Variants in SH3YL1 observed in about 807,000 individuals in gnomAD.
SH3YL1 encodes SH3 and SYLF domain containing 1.
In SH3YL1, 41 loss-of-function variants were observed where a neutral mutation model predicts 45.8. The observed-to-expected ratio is 0.89, with a 90% confidence interval of 0.70 to 1.16. The LOEUF is 1.16. Ranked by LOEUF, SH3YL1 falls within the 50% of genes most tolerant of loss-of-function variation. The pLI, the probability that SH3YL1 is intolerant of heterozygous loss-of-function variation, is 0.00. For missense variants in SH3YL1, 389 were observed against 409.6 expected (o/e 0.95, Z 0.43); for synonymous variants, 152 against 151.4 (o/e 1.00, Z -0.03).
chr2:226,450 TC>T (rs1667788769), intron 8 of SH3YL1, among the ~76,000 whole-genome samples: 1 of 152,204 alleles, frequency 6.6e-6, no homozygotes, highest in Non-Finnish European at 1.5e-5. Flanking sequence ...ATGTTTACAT[TC>T]ACTAATAGGA....
intron 4 of SH3YL1, among the ~76,000 whole-genome samples, chr2:236,983 T>C (rs1668333042): frequency 6.6e-6 from 1 of 152,210 alleles, no homozygotes; most frequent in Non-Finnish European, 1.5e-5. Context: ...CATTTTATTT[T>C]ACATATAGAC....
At chr2:264,678 C>T, upstream of SH3YL1, 1 of 385,814 alleles carries the variant, frequency 2.6e-6, no homozygotes, top group Non-Finnish European at 4.7e-6. Flanking sequence ...ACCCCACCCC[C>T]GCAGCTCCTC....
chr2:262,755 G>A, intron 1 of SH3YL1: 5 of 1,168,822 alleles, frequency 4.3e-6, no homozygotes, highest in South Asian at 2.9e-5. Flanking sequence ...TTATTTCTGC[G>A]GAATGAGAAA....
intron 9 of SH3YL1, among the ~76,000 whole-genome samples, chr2:224,513 T>C (rs1230794613): frequency 1.3e-5 from 2 of 152,166 alleles, no homozygotes; most frequent in East Asian, 3.9e-4. Flanking sequence ...CCTCAGATGA[T>C]GCCATGGCTC....
intron 6 of SH3YL1, among the ~76,000 whole-genome samples, chr2:232,459 ATACTTT>A (rs1364272316): frequency 6.7e-6 from 1 of 149,682 alleles, no homozygotes; most frequent in East Asian, 1.9e-4. Flanking sequence ...TTTTTTTAAT[ATACTTT>A]AAGTTCTGGG....
chr2:227,561 A>C (rs1024654006), intron 8 of SH3YL1, among the ~76,000 whole-genome samples: 5 of 152,190 alleles, frequency 3.3e-5, no homozygotes, highest in Non-Finnish European at 7.3e-5. Context: ...ACAAACCAAC[A>C]AATAACAAAT....
intron 4 of SH3YL1, chr2:242,664 T>G: frequency 8.4e-7 from 1 of 1,195,348 alleles, no homozygotes; most frequent in South Asian, 2.5e-5. Context: ...ATCAATAATC[T>G]ATTAAATGTG....
intron 3 of SH3YL1, 52 bp downstream of exon 3, chr2:249,675 AACAG>A: frequency 7.7e-7 from 1 of 1,295,828 alleles, no homozygotes; most frequent in Non-Finnish European, 1.1e-6. Flanking sequence ...TTCACATGAA[AACAG>A]ACAGAACAAA....
At chr2:247,663 G>C in intron 3 of SH3YL1, 61 bp from the exon 4 acceptor site, 1 of 1,338,604 alleles carries the variant, frequency 7.5e-7, no homozygotes, top group Non-Finnish European at 1.0e-6. Flanking sequence ...TGTAAATATA[G>C]GAAGGAAAAA....
At chr2:260,890 GGCCTGA>G (rs2103061744) in intron 1 of SH3YL1, 1 of 152,012 alleles carries the variant, frequency 6.6e-6, no homozygotes, top group South Asian at 2.1e-4. Flanking sequence ...GAAAGGTCAT[GGCCTGA>G]TCTGTAAACA....
At chr2:264,625 A>G (rs1399141983), upstream of SH3YL1, 1 of 34,782 alleles carries the variant, frequency 2.9e-5, no homozygotes, top group Non-Finnish European at 5.8e-5. Context: ...GCCACCACAC[A>G]CACACACCCC....
At chr2:236,901 C>T (rs144135320) in intron 4 of SH3YL1, among the ~76,000 whole-genome samples, 1 of 152,268 alleles carries the variant, frequency 6.6e-6, no homozygotes, top group East Asian at 1.9e-4. Flanking sequence ...CACTTCAGAT[C>T]TGTAGGTCAA....
At chr2:249,934 G>C in intron 2 of SH3YL1, 90 bp from the exon 3 acceptor site, 1 of 901,650 alleles carries the variant, frequency 1.1e-6, no homozygotes, top group South Asian at 1.5e-5. Flanking sequence ...AGTGTACACA[G>C]AGGTTATCTC....
chr2:237,602 CTT>C (rs1668363459), intron 4 of SH3YL1, among the ~76,000 whole-genome samples: 1 of 152,036 alleles, frequency 6.6e-6, no homozygotes, highest in Admixed American at 6.6e-5. Context: ...AGAAATAAGA[CTT>C]GTGTTTTATT....
rs542785836 is a variant in SH3YL1 at position 218,714 on chromosome 2, T to G, written c.*97A>C. On this transcript the variant is annotated 3_prime_UTR_variant, in exon 10 of 10. Coordinates refer to ENST00000356150, the MANE Select transcript of SH3YL1 (RefSeq NM_015677.4). ...GAATGGAAATTTTGTAGAACAGAAG[T>G]TTTTTAAAATTTATATTAAACATTG... is the stretch of plus-strand genomic sequence containing the variant. 1 of 1,113,786 alleles carries G rather than the reference T, an allele frequency of 9.0e-7. No individual in the cohort carries two copies. The highest frequency in any genetic ancestry group is 1.2e-6 in the Non-Finnish European group (1 of 810,004). 69.0% of individuals were successfully genotyped at this position (1,113,786 alleles called of 1,614,324 possible).
At chr2:238,259 T>TTGTGTGTGTGTGTG (rs3842546) in intron 4 of SH3YL1, among the ~76,000 whole-genome samples, 3 of 141,858 alleles carry the variant, frequency 2.1e-5, no homozygotes, top group African/African-American at 8.0e-5. Flanking sequence ...TCCTCCCTCC[T>TTGTGTGTGTGTGTG]TGTGTGTGTG....
intron 1 of SH3YL1, among the ~76,000 whole-genome samples, chr2:253,990 T>G (rs1230887652): frequency 1.3e-5 from 2 of 152,184 alleles, no homozygotes; most frequent in Non-Finnish European, 2.9e-5. Context: ...CCCCAAAGGA[T>G]GTTAAACAAA....
chr2:241,930 G>A (rs1668564851), intron 4 of SH3YL1: 5 of 152,072 alleles, frequency 3.3e-5, no homozygotes, highest in Admixed American at 3.3e-4. Context: ...CAGGCTGAAA[G>A]CAAGTGACTC....
rs149773633 is a variant in SH3YL1, at chr2:219,185, T to C, written c.839-184A>G. 3.4e-3 allele frequency among the ~76,000 whole-genome samples: 516 copies of C among 152,338 alleles called. 4 individuals are homozygous for C. The highest frequency in any genetic ancestry group is 0.012 in the African/African-American group (490 of 41,578). On this transcript the variant is annotated intron_variant, in intron 9 of 9. Transcript: ENST00000356150. The stretch of plus-strand genomic sequence containing the variant: ...AACTTATTTTTCTCTGCACATTCTA[T>C]ACCTAAGGATTTAGCACATGCTTCT...
Sources: gnomAD v4.1 joint callset for allele counts (sites outside exome capture counted in the v4.1 genomes callset) on GRCh38, gnomAD v4.1.1 for gene constraint, MANE v1.5 for transcripts, NCBI Gene and HGNC (gene_info 2026-07-23, HGNC 2026-07-21) for gene names.